The following RABGAP1 variants were observed in gnomAD, a reference collection of about 807,000 sequenced individuals.
The protein encoded by RABGAP1 is RAB GTPase activating protein 1, also known as rab GTPase-activating protein 1.
RABGAP1 carries 23 observed loss-of-function variants against 137.6 expected under a neutral mutation model. That is an observed-to-expected ratio of 0.17 (90% confidence interval 0.12 to 0.24). RABGAP1 has a LOEUF of 0.24. RABGAP1 is among the 10% of genes least tolerant of loss of function. The pLI, the probability that RABGAP1 is intolerant of heterozygous loss-of-function variation, is 1.00. For synonymous variants in RABGAP1, 451 were observed against 450.7 expected, an observed-to-expected ratio of 1.00 and a Z score of -0.01; for missense variants, 906 against 1,275.8, an observed-to-expected ratio of 0.71 and a Z score of 4.42.
chr9:123,080,428 G>A (rs1219346213), intron 19 of RABGAP1, among the ~76,000 whole-genome samples: 3 of 152,182 alleles, frequency 2.0e-5, no homozygotes, highest in Admixed American at 2.0e-4. Flanking sequence ...ATAAGAGAAT[G>A]GGATTTTTCT....
intron 13 of RABGAP1, among the ~76,000 whole-genome samples, chr9:123,052,651 T>G (rs564169956): frequency 1.3e-5 from 2 of 152,284 alleles, no homozygotes; most frequent in South Asian, 4.1e-4. Flanking sequence ...GCATACAGGC[T>G]GGGTGCGGTG....
chr9:123,006,957 C>T (rs1262921818), intron 10 of RABGAP1, among the ~76,000 whole-genome samples: 1 of 152,004 alleles, frequency 6.6e-6, no homozygotes, highest in Admixed American at 6.6e-5. Flanking sequence ...TCTACCTTCC[C>T]TCCTCAAATA....
chr9:122,986,391 G>A lies in RABGAP1; in HGVS notation c.562G>A (p.Val188Met). ...GATTTCACTAGATGTTACCCTTTCAGTGCCGAATGTGTCTGAAGGAATTGT... is the reference window on the plus strand; with the variant it reads ...GATTTCACTAGATGTTACCCTTTCAATGCCGAATGTGTCTGAAGGAATTGT... The part of the protein sequence containing the change: ...CQISLDVTLS[V>M]PNVSEGIVRL... The change falls in exon 4 of 26, where the codon GTG becomes ATG. Residue 188 changes from valine to methionine, a missense_variant. Physicochemically the swap from Val to Met is conservative, Grantham distance 21. Coordinates refer to ENST00000373647, the MANE Select transcript of RABGAP1 (RefSeq NM_012197.4). The A allele has an allele frequency of 3.7e-6, 6 of 1,614,140 alleles. No individual in the cohort carries two copies. The highest frequency in any genetic ancestry group is 5.1e-6 in the Non-Finnish European group (6 of 1,180,000).
intron 13 of RABGAP1, among the ~76,000 whole-genome samples, chr9:123,039,671 C>T (rs578199925): frequency 6.6e-6 from 1 of 152,192 alleles, no homozygotes; most frequent in South Asian, 2.1e-4. Flanking sequence ...TAGCTTCGGC[C>T]CAGAGAACTT....
chr9:122,944,555 C>G (rs1797634712), intron 1 of RABGAP1, among the ~76,000 whole-genome samples: 1 of 150,228 alleles, frequency 6.7e-6, no homozygotes, highest in Non-Finnish European at 1.5e-5. Context: ...GAAACGGAGT[C>G]TCACTCTGTC....
At chr9:122,959,370 A>AAG (rs948608614) in intron 2 of RABGAP1, among the ~76,000 whole-genome samples, 27 of 146,518 alleles carry the variant, frequency 1.8e-4, no homozygotes, top group Non-Finnish European at 3.4e-4. Flanking sequence ...TTTACAAAAA[A>AAG]AAAAAAAAAA....
At chr9:123,040,276 G>T (rs911485262) in intron 13 of RABGAP1, among the ~76,000 whole-genome samples, 1 of 152,158 alleles carries the variant, frequency 6.6e-6, no homozygotes, top group African/African-American at 2.4e-5. Flanking sequence ...TATGATGCTG[G>T]TGTATAAAAT....
At chr9:123,099,429 G>C (rs749665128) in intron 23 of RABGAP1, 49 bp from the exon 24 acceptor site, 2 of 1,510,056 alleles carry the variant, frequency 1.3e-6, no homozygotes, top group South Asian at 1.1e-5. Context: ...AATTTATGCA[G>C]ATGATTACAA....
chr9:122,953,206 T>G (rs997105901), intron 1 of RABGAP1, among the ~76,000 whole-genome samples: 1 of 152,192 alleles, frequency 6.6e-6, no homozygotes, highest in African/African-American at 2.4e-5. Context: ...AACTGTTAAA[T>G]TTTTTTGAAT....
intron 6 of RABGAP1, among the ~76,000 whole-genome samples, chr9:122,993,356 C>T (rs1836844874): frequency 6.6e-6 from 1 of 152,098 alleles, no homozygotes; most frequent in African/African-American, 2.4e-5. Context: ...ATTGCAACCT[C>T]CTTCTCCCGG....
intron 1 of RABGAP1, among the ~76,000 whole-genome samples, chr9:122,942,688 A>AC (rs1833666651): frequency 7.5e-6 from 1 of 132,828 alleles, no homozygotes; most frequent in African/African-American, 2.6e-5. Context: ...AAAAAAAAAA[A>AC]CACAAAAAAA....
intron 6 of RABGAP1, among the ~76,000 whole-genome samples, chr9:122,990,976 C>T (rs1413766494): frequency 6.6e-6 from 1 of 150,602 alleles, no homozygotes; most frequent in Non-Finnish European, 1.5e-5. Flanking sequence ...GTAAAGTTAT[C>T]TGCATACATT....
intron 11 of RABGAP1, among the ~76,000 whole-genome samples, chr9:123,013,861 G>A (rs1410052217): frequency 6.6e-6 from 1 of 152,120 alleles, no homozygotes; most frequent in Non-Finnish European, 1.5e-5. Flanking sequence ...GAGGTGTAAA[G>A]ATCCAAACTT....
intron 6 of RABGAP1, among the ~76,000 whole-genome samples, chr9:122,993,091 T>G (rs983009020): frequency 3.3e-5 from 5 of 152,016 alleles, no homozygotes; most frequent in Admixed American, 2.0e-4. Context: ...AAAGTAGAAA[T>G]TAAGTGTTGA....
intron 19 of RABGAP1, among the ~76,000 whole-genome samples, chr9:123,087,163 A>G (rs946578767): frequency 2.0e-5 from 3 of 152,202 alleles, no homozygotes; most frequent in African/African-American, 2.4e-5. Context: ...CCCTATTACT[A>G]TGAGGGTGAG....
intron 24 of RABGAP1, 130 bp downstream of exon 24, chr9:123,099,679 T>G (rs1203639503): frequency 2.8e-6 from 2 of 726,652 alleles, no homozygotes; most frequent in Non-Finnish European, 4.6e-6. Flanking sequence ...CTGTCACAGG[T>G]CCTGGCTCAG....
At chr9:123,017,786 T>C (rs1464057213) in intron 12 of RABGAP1, among the ~76,000 whole-genome samples, 2 of 152,264 alleles carry the variant, frequency 1.3e-5, no homozygotes, top group African/African-American at 4.8e-5. Flanking sequence ...TGTGCTGTTA[T>C]GTGCTCTGTG....
intron 10 of RABGAP1, among the ~76,000 whole-genome samples, chr9:123,004,544 A>G (rs1301247150): frequency 6.6e-6 from 1 of 152,060 alleles, no homozygotes; most frequent in Non-Finnish European, 1.5e-5. Context: ...CAGCCTCCCA[A>G]AGTGCTGAGA....
At chr9:123,044,955 G>C (rs1441566611) in intron 13 of RABGAP1, among the ~76,000 whole-genome samples, 4 of 152,048 alleles carry the variant, frequency 2.6e-5, no homozygotes, top group Admixed American at 2.0e-4. Flanking sequence ...GTAATGAAGT[G>C]ATCTACAATT....
Sources: gnomAD v4.1 joint callset for allele counts (sites outside exome capture counted in the v4.1 genomes callset) on GRCh38, gnomAD v4.1.1 for gene constraint, MANE v1.5 for transcripts, NCBI Gene and HGNC (gene_info 2026-07-23, HGNC 2026-07-21) for gene names.